Variants in LRRC8A observed in about 807,000 individuals in gnomAD.
LRRC8A encodes volume-regulated anion channel subunit LRRC8A.
LRRC8A carries 24 observed loss-of-function variants against 52.5 expected under a neutral mutation model. The ratio of observed to expected loss-of-function variants is 0.46; its 90% CI spans 0.33 to 0.64. The LOEUF is 0.64. Among genes scored for constraint, LRRC8A ranks in the 30% least tolerant of loss-of-function variants. The pLI, the probability that LRRC8A is intolerant of heterozygous loss-of-function variation, is 0.02. For synonymous variants in LRRC8A, 492 were observed against 494.2 expected (o/e 1.00, Z 0.06); for missense variants, 677 against 1,094.7 (o/e 0.62, Z 5.38).
At chr9:128,888,237 G>A (rs1839473828) in intron 2 of LRRC8A, among the ~76,000 whole-genome samples, 1 of 152,152 alleles carries the variant, frequency 6.6e-6, no homozygotes, top group Admixed American at 6.5e-5. Flanking sequence ...CTTTCATGCT[G>A]GGCAGCGCTG....
intron 2 of LRRC8A, among the ~76,000 whole-genome samples, chr9:128,888,293 T>C (rs1452910055): frequency 6.6e-6 from 1 of 152,132 alleles, no homozygotes; most frequent in African/African-American, 2.4e-5. Context: ...ATTCCTCCTT[T>C]TTGCCAAGGA....
At position 128,907,893 on chromosome 9, in the gene LRRC8A, G is replaced by C. The variant is rs1341942073; in HGVS notation, c.729G>C (p.Leu243=). 8 of 1,614,022 alleles carry C rather than the reference G, an allele frequency of 5.0e-6. No individual in the cohort carries two copies. Among genetic ancestry groups the C allele is most frequent in the Admixed American group, 1.7e-5 (1 of 60,004 alleles). ...DKKEGEQAKA[L]FEKVKKFRTH... is the part of the protein sequence containing the mutation. ...AGGAGGGGGAGCAAGCCAAGGCGCT[G>C]TTTGAGAAGGTGAAGAAGTTCCGGA... is the stretch of plus-strand genomic sequence containing the variant. The change falls in exon 3 of 4, where the codon CTG becomes CTC. Residue 243 remains leucine (L), a synonymous_variant. Transcript: ENST00000372600. The surrounding 1 kb of genome is among the most constrained non-coding windows in gnomAD (Gnocchi z 9.3).
rs765780907 is a variant in LRRC8A at position 128,902,181 on chromosome 9, G to T, written c.-8-4976G>T. Among the ~76,000 whole-genome samples, 9 of 152,206 alleles carry T rather than the reference G, an allele frequency of 5.9e-5. No individual in the cohort carries two copies. The highest frequency in any genetic ancestry group is 2.2e-4 in the African/African-American group (9 of 41,466). On this transcript the variant is annotated intron_variant, in intron 2 of 3. Transcript: ENST00000372600. This position sits in a 1 kb window ranked among gnomAD's most constrained non-coding sequence, Gnocchi z 4.1. Reference sequence around the variant, plus strand: ...CTCAAACTGGAGAGAGGAACCTGAAGCAGAAGTCCCACCTTGATCATTTTT... The same window carrying T: ...CTCAAACTGGAGAGAGGAACCTGAATCAGAAGTCCCACCTTGATCATTTTT...
At chr9:128,889,856 G>T (rs944997507) in intron 2 of LRRC8A, among the ~76,000 whole-genome samples, 3 of 151,796 alleles carry the variant, frequency 2.0e-5, no homozygotes, top group Non-Finnish European at 4.4e-5. Flanking sequence ...AGACTGGAGT[G>T]CAATGGTGCC....
At position 128,901,316 on chromosome 9, in the gene LRRC8A, AGCCG is replaced by A. The variant is rs577272618; in HGVS notation, c.-8-5836_-8-5833del. 5.3e-5 allele frequency among the ~76,000 whole-genome samples: 8 copies of A among 152,124 alleles called. No homozygotes were observed. In the East Asian group the frequency reaches 1.6e-3, roughly 29 times the overall value. ...CGTCTTGACTAAAATATGAAAAATT[AGCCG>A]GCCGTGGTGGTGGCGCGCCTGTAGT... On this transcript the variant is annotated intron_variant, in intron 2 of 3. Coordinates refer to ENST00000372600, the MANE Select transcript of LRRC8A (RefSeq NM_019594.4).
At position 128,907,027 on chromosome 9, in the gene LRRC8A, T is replaced by G; in HGVS notation, c.-8-130T>G. The G allele has an allele frequency of 1.2e-6, 1 of 822,138 alleles. No individual in the cohort carries two copies. The highest frequency in any genetic ancestry group is 2.3e-5 in the Admixed American group (1 of 43,104). The allele number at this position is 822,138 out of a possible 1,614,324, so 50.9% of individuals were successfully genotyped here. A position where few individuals can be genotyped will look rare whatever the true frequency, so the allele number is the denominator to read the frequency against. ...GCTGCCCCGTGGAGTAGGCAGGCTT[T>G]GGCTCCCAGCTAGATTTGAGGTGGA... On this transcript the variant is annotated intron_variant, in intron 2 of 3. Transcript: ENST00000372600. The surrounding 1 kb of genome is among the most constrained non-coding windows in gnomAD (Gnocchi z 9.3).
At chr9:128,894,392 G>A (rs1839741794) in intron 2 of LRRC8A, among the ~76,000 whole-genome samples, 1 of 151,890 alleles carries the variant, frequency 6.6e-6, no homozygotes, top group South Asian at 2.1e-4. Flanking sequence ...GCTGAGGCAG[G>A]AGAATGGCGT....
chr9:128,897,057 A>G (rs888027596), intron 2 of LRRC8A, among the ~76,000 whole-genome samples: 1 of 151,852 alleles, frequency 6.6e-6, no homozygotes, highest in African/African-American at 2.4e-5. Flanking sequence ...GTAGTTTTAA[A>G]CTTTGGAAAT....
intron 1 of LRRC8A, 91 bp from the exon 2 acceptor site, chr9:128,885,924 C>G (rs889126201): frequency 1.3e-5 from 2 of 152,238 alleles, no homozygotes; most frequent in African/African-American, 2.4e-5. Flanking sequence ...GGCCTGCTAC[C>G]AAGCAGGCTC....
intron 2 of LRRC8A, among the ~76,000 whole-genome samples, chr9:128,891,690 A>G (rs377161301): frequency 6.0e-4 from 92 of 152,216 alleles, no homozygotes; most frequent in African/African-American, 2.2e-3. Context: ...CCGTGAGACC[A>G]GAGGCATCTG....
intron 2 of LRRC8A, among the ~76,000 whole-genome samples, chr9:128,895,768 A>G (rs1839800251): frequency 6.6e-6 from 1 of 152,212 alleles, no homozygotes; most frequent in South Asian, 2.1e-4. Context: ...TGCTCCGGTA[A>G]CCTGGTAAGA....
Position 128,907,819 on chromosome 9 carries a change from A to G in LRRC8A, c.655A>G (p.Ile219Val). The change falls in exon 3 of 4, where the codon ATC becomes GTC. Residue 219 changes from isoleucine to valine, a missense_variant. By Grantham distance (29) the Ile-to-Val change is conservative. Transcript: ENST00000372600. This position sits in a 1 kb window ranked among gnomAD's most constrained non-coding sequence, Gnocchi z 9.3. ...CATGCTGCAGCGGACCAAGTCACGG[A>G]TCGAGCAGGGTATCGTGGACCGCTC... ...VPMLQRTKSRIEQGIVDRSET... is the reference protein window; with the variant it reads ...VPMLQRTKSRVEQGIVDRSET... The G allele has an allele frequency of 6.2e-7, 1 of 1,614,036 alleles. No homozygotes were observed. Among genetic ancestry groups the G allele is most frequent in the South Asian group, 1.1e-5 (1 of 91,074 alleles).
intron 2 of LRRC8A, among the ~76,000 whole-genome samples, chr9:128,893,369 T>C (rs1267701427): frequency 2.0e-5 from 3 of 152,184 alleles, no homozygotes; most frequent in African/African-American, 4.8e-5. Context: ...GTGTGCCCGG[T>C]GCTGTATTGA....
At chr9:128,883,771 G>A (rs757098672) in intron 1 of LRRC8A, among the ~76,000 whole-genome samples, 1 of 152,140 alleles carries the variant, frequency 6.6e-6, no homozygotes, top group Admixed American at 6.5e-5. Flanking sequence ...TCAGGAGTTC[G>A]AGACCAGCCT....
intron 2 of LRRC8A, among the ~76,000 whole-genome samples, chr9:128,896,277 G>A (rs937453208): frequency 6.6e-6 from 1 of 152,194 alleles, no homozygotes; most frequent in Non-Finnish European, 1.5e-5. Context: ...TTGATTTAAA[G>A]CATTTCCATT....
Position 128,902,468 on chromosome 9 carries a change from G to A in LRRC8A, c.-8-4689G>A, listed in dbSNP as rs1840064651. 6.6e-6 allele frequency among the ~76,000 whole-genome samples: 1 copy of A among 152,186 alleles called. No individual in the cohort carries two copies. Among genetic ancestry groups the A allele is most frequent in the Non-Finnish European group, 1.5e-5 (1 of 68,044 alleles). ...GCTGGGGCGGCTCCTCGCAGAGGAA[G>A]CAGGTGTTTCTGTGAGCGAACACAC... On this transcript the variant is annotated intron_variant, in intron 2 of 3. Coordinates refer to ENST00000372600, the MANE Select transcript of LRRC8A (RefSeq NM_019594.4). This position sits in a 1 kb window ranked among gnomAD's most constrained non-coding sequence, Gnocchi z 4.1.
At chr9:128,904,395 T>C (rs1840151569) in intron 2 of LRRC8A, among the ~76,000 whole-genome samples, 1 of 144,200 alleles carries the variant, frequency 6.9e-6, no homozygotes, top group Non-Finnish European at 1.6e-5. Flanking sequence ...AGCGTGTGCC[T>C]GTAATCCAGC....
rs1301179288 is a variant in LRRC8A at position 128,916,903 on chromosome 9, C to T, written c.*532C>T. On this transcript the variant is annotated 3_prime_UTR_variant, in exon 4 of 4. Transcript: ENST00000372600. This position sits in a 1 kb window ranked among gnomAD's most constrained non-coding sequence, Gnocchi z 6.1. ...GCAGAGTGGTCCGGGGCGAACCAGCCATGGGACGGTCACCCAGCAGTGCCG... is the reference window on the plus strand; with the variant it reads ...GCAGAGTGGTCCGGGGCGAACCAGCTATGGGACGGTCACCCAGCAGTGCCG... 1 of 155,962 alleles carries T rather than the reference C, an allele frequency of 6.4e-6. No homozygotes were observed. Among genetic ancestry groups the T allele is most frequent in the African/African-American group, 2.4e-5 (1 of 41,486 alleles). The allele number at this position is 155,962 out of a possible 1,614,324, so 9.7% of individuals were successfully genotyped here. A position where few individuals can be genotyped will look rare whatever the true frequency, so the allele number is the denominator to read the frequency against.
intron 2 of LRRC8A, among the ~76,000 whole-genome samples, chr9:128,904,233 A>G (rs1282715012): frequency 1.3e-5 from 2 of 152,018 alleles, no homozygotes; most frequent in African/African-American, 4.8e-5. Context: ...TAAAAGCACA[A>G]TTTGGCCAGG....
Sources: allele counts gnomAD v4.1 joint callset (sites outside exome capture counted in the v4.1 genomes callset), GRCh38; gene constraint gnomAD v4.1.1; non-coding constraint Gnocchi (gnomAD v3.1); transcripts MANE v1.5; gene names NCBI Gene and HGNC (gene_info 2026-07-23, HGNC 2026-07-21).